The following CCNY variants were observed in gnomAD, a reference collection of about 807,000 sequenced individuals.
CCNY encodes the protein cyclin-Y.
CCNY carries 19 observed loss-of-function variants against 42.8 expected under a neutral mutation model. The ratio of observed to expected loss-of-function variants is 0.44; its 90% confidence interval spans 0.31 to 0.65. The LOEUF (loss-of-function observed/expected upper bound fraction) is 0.65. Ranked by LOEUF, CCNY falls within the 30% of genes least tolerant of loss-of-function variation. The probability of loss-of-function intolerance (pLI) is 0.07; values close to 1 mark genes in which losing one functional copy is unlikely to be tolerated. For synonymous variants in CCNY, 165 were observed against 162.7 expected (o/e 1.01, Z -0.11); for missense variants, 370 against 437.3 (o/e 0.85, Z 1.37).
At chr10:35,566,335 T>C in intron 9 of CCNY, 150 bp downstream of exon 9, 1 of 819,360 alleles carries the variant, frequency 1.2e-6, no homozygotes, top group South Asian at 1.9e-5. Context: ...GGCAGTTGAT[T>C]ATGATTTGTT....
chr10:35,522,344 C>T (rs1840565477), intron 4 of CCNY, among the ~76,000 whole-genome samples: 1 of 152,234 alleles, frequency 6.6e-6, no homozygotes, highest in South Asian at 2.1e-4. Flanking sequence ...ATCCACCTGC[C>T]TTTGCGAGAT....
chr10:35,375,490 A>G (rs1837032207), intron 1 of CCNY, among the ~76,000 whole-genome samples: 1 of 152,132 alleles, frequency 6.6e-6, no homozygotes, highest in Non-Finnish European at 1.5e-5. Context: ...CTTTAATTCC[A>G]TCTGCAGCCT....
chr10:35,357,022 G>A (rs1234372166), intron 1 of CCNY, among the ~76,000 whole-genome samples: 1 of 152,130 alleles, frequency 6.6e-6, no homozygotes, highest in African/African-American at 2.4e-5. Flanking sequence ...AACTTTGTCT[G>A]TCTCAGGCTC....
At chr10:35,386,612 G>A (rs372460729) in intron 1 of CCNY, among the ~76,000 whole-genome samples, 37 of 152,186 alleles carry the variant, frequency 2.4e-4, no homozygotes, top group African/African-American at 8.2e-4. Context: ...AAATGGACTC[G>A]GGAGTCCACA....
chr10:35,470,968 T>G (rs1188514557), intron 1 of CCNY, among the ~76,000 whole-genome samples: 1 of 152,040 alleles, frequency 6.6e-6, no homozygotes, highest in Non-Finnish European at 1.5e-5. Context: ...AAATTAGGGG[T>G]TTGAGATTTT....
rs184289321 is a variant in CCNY at position 35,372,167 on chromosome 10, C to A, written c.154+34960C>A. On this transcript the variant is annotated intron_variant, in intron 1 of 9. Transcript: ENST00000374704. The stretch of plus-strand genomic sequence containing the variant: ...AGAGATTCAAAATAATGAAAGGAGT[C>A]ACTCTGGAGGAGGGAAAGGATGGGG... 5.3e-5 allele frequency among the ~76,000 whole-genome samples: 8 copies of A among 152,266 alleles called. No individual in the cohort carries two copies. The East Asian group carries it at 1.5e-3, about 29-fold the overall frequency.
intron 7 of CCNY, among the ~76,000 whole-genome samples, chr10:35,545,567 C>T (rs1159039415): frequency 1.3e-5 from 2 of 152,166 alleles, no homozygotes; most frequent in African/African-American, 4.8e-5. Context: ...CCCTAATGAC[C>T]TCGTTTTAAC....
rs189527362 is a variant in CCNY, at chr10:35,412,818, G to A, written c.155-70586G>A. 3.7e-3 allele frequency among the ~76,000 whole-genome samples: 461 copies of A among 125,324 alleles called. 3 individuals are homozygous for A. The highest frequency in any genetic ancestry group is 0.013 in the African/African-American group (437 of 32,480). The allele number at this position is 125,324 out of a possible 152,430, so 82.2% of individuals were successfully genotyped here. A position where few individuals can be genotyped will look rare whatever the true frequency, so the allele number is the denominator to read the frequency against. ...GGAGGTTGCAGTGAGCCGAGATCAC[G>A]CCACTGCACTCCAGCCTGGGCGACA... is the stretch of plus-strand genomic sequence containing the variant. On this transcript the variant is annotated intron_variant, in intron 1 of 9. Coordinates refer to ENST00000374704, the MANE Select transcript of CCNY (RefSeq NM_145012.6).
chr10:35,279,658 G>T (rs1440671490), intron 3 of CCNY, among the ~76,000 whole-genome samples: 4 of 152,204 alleles, frequency 2.6e-5, no homozygotes, highest in African/African-American at 9.6e-5. Flanking sequence ...TCAAATGGAG[G>T]CACCTGGACT....
intron 2 of CCNY, 59 bp downstream of exon 2, chr10:35,483,537 G>A: frequency 9.4e-7 from 1 of 1,059,876 alleles, no homozygotes; most frequent in Non-Finnish European, 1.4e-6. Flanking sequence ...ACTTCGCCTA[G>A]TGTTGATTTC....
chr10:35,570,142 C>G lies in CCNY; in HGVS notation c.*972C>G, dbSNP rs1350168462. 1 of 152,592 alleles carries G rather than the reference C, an allele frequency of 6.6e-6. No homozygotes were observed. The highest frequency in any genetic ancestry group is 1.5e-5 in the Non-Finnish European group (1 of 68,030). The allele number at this position is 152,592 out of a possible 1,614,324, so 9.5% of individuals were successfully genotyped here. A position where few individuals can be genotyped will look rare whatever the true frequency, so the allele number is the denominator to read the frequency against. ...TCCTCTCCTTCCAAGTCCATTGTTG[C>G]AAGCAATATTCTTCTCAATTTTTAT... is the stretch of plus-strand genomic sequence containing the variant. On this transcript the variant is annotated 3_prime_UTR_variant, in exon 10 of 10. Coordinates refer to ENST00000374704, the MANE Select transcript of CCNY (RefSeq NM_145012.6).
At chr10:35,494,386 C>G (rs1839966534) in intron 2 of CCNY, among the ~76,000 whole-genome samples, 1 of 152,126 alleles carries the variant, frequency 6.6e-6, no homozygotes, top group African/African-American at 2.4e-5. Flanking sequence ...GAATACACAG[C>G]ACTTTAAGTC....
intron 2 of CCNY, among the ~76,000 whole-genome samples, chr10:35,496,223 G>A (rs1488558417): frequency 6.6e-6 from 1 of 152,212 alleles, no homozygotes; most frequent in Non-Finnish European, 1.5e-5. Flanking sequence ...TTTCTTTGTA[G>A]AATAGCACAG....
At chr10:35,398,323 A>C (rs999260462) in intron 1 of CCNY, among the ~76,000 whole-genome samples, 1 of 152,264 alleles carries the variant, frequency 6.6e-6, no homozygotes, top group Non-Finnish European at 1.5e-5. Flanking sequence ...AAAAGCCAGC[A>C]AGGTCCTTGG....
intron 8 of CCNY, among the ~76,000 whole-genome samples, chr10:35,561,423 T>C (rs915055013): frequency 1.3e-5 from 2 of 152,214 alleles, no homozygotes; most frequent in African/African-American, 2.4e-5. Flanking sequence ...ATTTTATTTT[T>C]ACAAAACTGG....
chr10:35,361,513 G>A (rs1035531519), intron 1 of CCNY, among the ~76,000 whole-genome samples: 5 of 152,014 alleles, frequency 3.3e-5, no homozygotes, highest in African/African-American at 1.2e-4. Flanking sequence ...GTTTGCCTGT[G>A]GGGGGCATTT....
intron 1 of CCNY, among the ~76,000 whole-genome samples, chr10:35,351,269 C>T (rs61843271): frequency 0.1 from 15,485 of 152,242 alleles, 1,162 homozygotes; most frequent in Non-Finnish European, 0.14. Context: ...TGAACCTCTT[C>T]TGTTTATACG....
At chr10:35,305,548 A>G (rs971934755) in intron 3 of CCNY, among the ~76,000 whole-genome samples, 1 of 152,232 alleles carries the variant, frequency 6.6e-6, no homozygotes, top group Non-Finnish European at 1.5e-5. Flanking sequence ...TAATTGTGTC[A>G]GAGCTGCTGT....
chr10:35,389,784 T>C (rs1251570416), intron 1 of CCNY, among the ~76,000 whole-genome samples: 7 of 152,178 alleles, frequency 4.6e-5, no homozygotes, highest in Non-Finnish European at 1.0e-4. Context: ...CCCTTTTATG[T>C]TGACTTCCAT....
Sources: allele counts gnomAD v4.1 joint callset (sites outside exome capture counted in the v4.1 genomes callset), GRCh38; gene constraint gnomAD v4.1.1; transcripts MANE v1.5; gene names NCBI Gene and HGNC (gene_info 2026-07-23, HGNC 2026-07-21).